Variants in STK31 observed in about 807,000 individuals in gnomAD.
The protein encoded by STK31 is serine/threonine-protein kinase 31.
A neutral mutation model predicts 129.7 loss-of-function variants in STK31; 89 were observed. That is an observed-to-expected ratio of 0.69 (90% confidence interval 0.58 to 0.82). The LOEUF (loss-of-function observed/expected upper bound fraction) is 0.82. STK31 is among the 40% of genes least tolerant of loss of function. STK31 has a pLI of 0.00. For synonymous variants in STK31, 448 were observed against 395.3 expected, an observed-to-expected ratio of 1.13 and a Z score of -1.58; for missense variants, 1,187 against 1,176.4, an observed-to-expected ratio of 1.01 and a Z score of -0.13.
intron 15 of STK31, among the ~76,000 whole-genome samples, chr7:23,780,725 A>G (rs1048760081): frequency 6.6e-6 from 1 of 152,200 alleles, no homozygotes; most frequent in Non-Finnish European, 1.5e-5. Flanking sequence ...ATAAGCCATC[A>G]ATTTACCTTG....
chr7:23,781,175 A>G (rs185525439), intron 15 of STK31, among the ~76,000 whole-genome samples: 5 of 152,344 alleles, frequency 3.3e-5, no homozygotes, highest in African/African-American at 1.2e-4. Flanking sequence ...AGAGACAAGA[A>G]AAATCTGTAT....
At chr7:23,767,896 C>T (rs1789931556) in intron 11 of STK31, among the ~76,000 whole-genome samples, 2 of 152,282 alleles carry the variant, frequency 1.3e-5, no homozygotes, top group South Asian at 4.1e-4. Flanking sequence ...TGATTAAAAA[C>T]TTCTGAGATC....
At chr7:23,749,016 T>C (rs555114721) in intron 8 of STK31, among the ~76,000 whole-genome samples, 24 of 152,362 alleles carry the variant, frequency 1.6e-4, no homozygotes, top group African/African-American at 5.0e-4. Flanking sequence ...GTATCTTTAC[T>C]GATTTTTCCA....
chr7:23,812,234 G>T (rs11980860), intron 22 of STK31, among the ~76,000 whole-genome samples: 3,778 of 152,026 alleles, frequency 0.025, 87 homozygotes, highest in African/African-American at 0.062. Context: ...GTGGTTGAGA[G>T]TTATTTTCTT....
intron 1 of STK31, 170 bp downstream of exon 1, chr7:23,710,505 T>A: frequency 1.3e-6 from 2 of 1,485,006 alleles, no homozygotes; most frequent in Non-Finnish European, 1.8e-6. Context: ...AGTTTTTGAG[T>A]GCATGCAGGC....
At chr7:23,773,935 C>G (rs554135455) in intron 15 of STK31, among the ~76,000 whole-genome samples, 8 of 151,070 alleles carry the variant, frequency 5.3e-5, no homozygotes, top group East Asian at 3.9e-4. Flanking sequence ...CCCTGCCACC[C>G]CCCACCCCAC....
intron 15 of STK31, among the ~76,000 whole-genome samples, chr7:23,779,417 A>C (rs1302473317): frequency 1.3e-5 from 2 of 152,166 alleles, no homozygotes; most frequent in Admixed American, 6.5e-5. Context: ...GAAACATTAA[A>C]GTCTGCTGAA....
At chr7:23,808,289 C>T (rs1223054633) in intron 22 of STK31, among the ~76,000 whole-genome samples, 1 of 151,806 alleles carries the variant, frequency 6.6e-6, no homozygotes, top group Non-Finnish European at 1.5e-5. Flanking sequence ...CCCAGTTGTA[C>T]TGCCTTACTT....
intron 22 of STK31, among the ~76,000 whole-genome samples, chr7:23,804,969 A>G (rs1455217237): frequency 2.0e-5 from 3 of 152,080 alleles, no homozygotes; most frequent in African/African-American, 7.2e-5. Flanking sequence ...TATGCCTTAT[A>G]TTCCCATTTA....
In STK31 at chr7:23,716,403, G is replaced by A. The variant is rs144237781; in HGVS notation, c.151-1078G>A. 7.2e-5 allele frequency among the ~76,000 whole-genome samples: 11 copies of A among 152,082 alleles called. No individual in the cohort carries two copies. In the East Asian group the frequency reaches 1.5e-3, roughly 21 times the overall value. ...AAGGTGGCAACTTCCAGGTTTTTTC[G>A]CTGTAAAGTTACTCTTTTCTTTTGT... On this transcript the variant is annotated intron_variant, in intron 3 of 23. Coordinates refer to ENST00000355870, the MANE Select transcript of STK31 (RefSeq NM_031414.5).
intron 4 of STK31, 76 bp from the exon 5 acceptor site, chr7:23,727,165 T>G (rs1255183757): frequency 1.6e-6 from 2 of 1,215,570 alleles, no homozygotes; most frequent in South Asian, 1.3e-5. Context: ...AGGAAGAGCT[T>G]AAATGCTAAC....
intron 23 of STK31, among the ~76,000 whole-genome samples, chr7:23,828,825 A>T (rs1297932515): frequency 3.3e-5 from 5 of 152,124 alleles, no homozygotes; most frequent in African/African-American, 1.2e-4. Context: ...TGTGTTGAAG[A>T]GAAGTGGTGA....
chr7:23,726,329 C>T (rs1244354590), intron 4 of STK31: 1 of 143,858 alleles, frequency 7.0e-6, no homozygotes, highest in Non-Finnish European at 1.5e-5. Flanking sequence ...TGCCACTCAA[C>T]ACAGACTCAT....
At chr7:23,828,373 G>C (rs116587423) in intron 23 of STK31, among the ~76,000 whole-genome samples, 3,781 of 152,332 alleles carry the variant, frequency 0.025, 87 homozygotes, top group African/African-American at 0.062. Flanking sequence ...GAGGCTCCTT[G>C]GGCGTAGGAC....
chr7:23,769,600 A>G, intron 12 of STK31, 40 bp from the exon 13 acceptor site: 1 of 1,345,600 alleles, frequency 7.4e-7, no homozygotes, highest in Non-Finnish European at 1.1e-6. Flanking sequence ...TGCTGATTGA[A>G]TTAAATGAGA....
intron 22 of STK31, among the ~76,000 whole-genome samples, chr7:23,804,876 CTCTTT>C (rs72269842): frequency 0.021 from 3,165 of 152,218 alleles, 129 homozygotes; most frequent in African/African-American, 0.072. Context: ...TTTACTGTCT[CTCTTT>C]TCTTCCAGTT....
At chr7:23,730,878 A>ATATATATATATATATATATATTTT in intron 6 of STK31, among the ~76,000 whole-genome samples, 9 of 59,530 alleles carry the variant, frequency 1.5e-4, no homozygotes, top group South Asian at 8.2e-4. Flanking sequence ...ATATATATAT[A>ATATATATATATATATATATATTTT]TTTTTTTTTT....
chr7:23,735,817 C>T lies in STK31; in HGVS notation c.763C>T (p.Pro255Ser), dbSNP rs1787682606. The change falls in exon 7 of 24, where the codon CCC (proline) becomes TCC (serine). Residue 255 changes from proline (P) to serine (S), a missense_variant. Pro to Ser is a moderately conservative substitution (Grantham distance 74). This residue lies in a region of STK31 where 975 missense variants were observed against 934.9 expected (regional missense o/e 1.04). Coordinates refer to ENST00000355870, the MANE Select transcript of STK31 (RefSeq NM_031414.5). ...HRSNQSTFSR[P>S]KGHLSEKMTL... ...ATCAAACCAGTCAACCTTCAGCAGG[C>T]CCAAGGGGCACTTAAGTGAGAAAAT... 1.9e-6 allele frequency: 3 copies of T among 1,613,502 alleles called. No individual in the cohort carries two copies. The highest frequency in any genetic ancestry group is 8.5e-7 in the Non-Finnish European group (1 of 1,179,660).
At chr7:23,797,458 A>G (rs1378502316) in intron 22 of STK31, among the ~76,000 whole-genome samples, 1 of 152,146 alleles carries the variant, frequency 6.6e-6, no homozygotes, top group African/African-American at 2.4e-5. Flanking sequence ...TTAAGAAACT[A>G]ACTCAAAACT....
Sources: gnomAD v4.1 joint callset for allele counts (sites outside exome capture counted in the v4.1 genomes callset) on GRCh38, gnomAD v4.1.1 for gene constraint, gnomAD v4.1.1 regional missense constraint, MANE v1.5 for transcripts, NCBI Gene and HGNC (gene_info 2026-07-23, HGNC 2026-07-21) for gene names.